STUM: variants seen among roughly 807,000 people sequenced by gnomAD.
STUM encodes stum, mechanosensory transduction mediator homolog.
STUM carries 8 observed loss-of-function variants against 15.3 expected under a neutral mutation model. That is an observed-to-expected ratio of 0.52 (90% CI 0.31 to 0.94). The LOEUF (loss-of-function observed/expected upper bound fraction) is 0.94. Among genes scored for constraint, STUM ranks in the 40% least tolerant of loss-of-function variants. The probability of loss-of-function intolerance (pLI) is 0.05; values close to 1 mark genes in which losing one functional copy is unlikely to be tolerated. For missense variants in STUM, 142 were observed against 204.9 expected (o/e 0.69, Z 1.87); for synonymous variants, 78 against 88.7 (o/e 0.88, Z 0.68).
At chr1:226,551,921 A>G (rs1667381686) in intron 1 of STUM, among the ~76,000 whole-genome samples, 1 of 152,152 alleles carries the variant, frequency 6.6e-6, no homozygotes, top group African/African-American at 2.4e-5. Context: ...ACGTGTCCTC[A>G]GCACTTGCCA....
chr1:226,606,611 G>A lies in STUM; in HGVS notation c.*4571G>A, dbSNP rs1668362602. 6.6e-6 allele frequency: 1 copy of A among 152,200 alleles called. No homozygotes were observed. Among genetic ancestry groups the A allele is most frequent in the African/African-American group, 2.4e-5 (1 of 41,448 alleles). The allele number at this position is 152,200 out of a possible 1,614,324, so 9.4% of individuals were successfully genotyped here. On this transcript the variant is annotated 3_prime_UTR_variant, in exon 4 of 4. Transcript: ENST00000366788. ...TTTGCTGGAGGGCTTTTATCAGAGA[G>A]ATTGGAGGTGGGAGAGCACTTTTAA...
At position 226,602,159 on chromosome 1, in the gene STUM, G is replaced by A. The variant is rs374374742; in HGVS notation, c.*119G>A. On this transcript the variant is annotated 3_prime_UTR_variant, in exon 4 of 4. Transcript: ENST00000366788. ...CATTTTCTGGACTGGGGGTGGAAAGGGGGTATTTTTAAAAATATTATTTAT... is the reference window on the plus strand; with the variant it reads ...CATTTTCTGGACTGGGGGTGGAAAGAGGGTATTTTTAAAAATATTATTTAT... 31 of 709,490 alleles carry A rather than the reference G, an allele frequency of 4.4e-5. No individual in the cohort carries two copies. Among genetic ancestry groups the A allele is most frequent in the East Asian group, 4.3e-4 (16 of 36,978 alleles). The allele number at this position is 709,490 out of a possible 1,614,324, so 43.9% of individuals were successfully genotyped here.
chr1:226,594,875 C>T (rs965424691), intron 1 of STUM, among the ~76,000 whole-genome samples: 2 of 152,184 alleles, frequency 1.3e-5, no homozygotes, highest in African/African-American at 4.8e-5. Flanking sequence ...AGGCTGGTCC[C>T]AAATTCCTAA....
At chr1:226,561,220 T>G (rs1667536235) in intron 1 of STUM, among the ~76,000 whole-genome samples, 1 of 152,218 alleles carries the variant, frequency 6.6e-6, no homozygotes, top group Non-Finnish European at 1.5e-5. Flanking sequence ...GTAGGGGCTG[T>G]GCTTTACTTA....
At chr1:226,562,087 C>G (rs1328234868) in intron 1 of STUM, among the ~76,000 whole-genome samples, 1 of 151,946 alleles carries the variant, frequency 6.6e-6, no homozygotes, top group Non-Finnish European at 1.5e-5. Flanking sequence ...TCTAAATGTT[C>G]TAAAATTGAT....
chr1:226,581,785 C>A (rs938986793), intron 1 of STUM, among the ~76,000 whole-genome samples: 2 of 152,146 alleles, frequency 1.3e-5, no homozygotes, highest in African/African-American at 4.8e-5. Flanking sequence ...GAAGGACCGC[C>A]ATCCTCTTAG....
At chr1:226,558,008 T>C (rs981116080) in intron 1 of STUM, among the ~76,000 whole-genome samples, 13 of 152,184 alleles carry the variant, frequency 8.5e-5, no homozygotes, top group Non-Finnish European at 2.9e-5. Context: ...AGGCCATATA[T>C]GAGAAGCCCA....
chr1:226,564,783 T>C (rs989744265), intron 1 of STUM, among the ~76,000 whole-genome samples: 3 of 152,230 alleles, frequency 2.0e-5, no homozygotes, highest in Non-Finnish European at 4.4e-5. Context: ...TTCTGCTGGC[T>C]GAGATCTGGA....
chr1:226,601,703 C>A (rs1180674158), intron 3 of STUM, among the ~76,000 whole-genome samples: 2 of 152,196 alleles, frequency 1.3e-5, no homozygotes, highest in African/African-American at 2.4e-5. Flanking sequence ...CACACCAGAC[C>A]AGTCTGTAAG....
rs1055118333 is a variant in STUM, at chr1:226,605,636, G to A, written c.*3596G>A. ...CCCCCACCCCAAGCTGGGAAAATAA[G>A]CTTCTCCCTCCCATATGTGGGGGCG... On this transcript the variant is annotated 3_prime_UTR_variant, in exon 4 of 4. Transcript: ENST00000366788. This position sits in a 1 kb window ranked among gnomAD's most constrained non-coding sequence, Gnocchi z 4.0. The A allele has an allele frequency of 6.6e-6, 1 of 152,172 alleles. No homozygotes were observed. The highest frequency in any genetic ancestry group is 6.5e-5 in the Admixed American group (1 of 15,284). 9.4% of individuals were successfully genotyped at this position (152,172 alleles called of 1,614,324 possible).
intron 3 of STUM, among the ~76,000 whole-genome samples, chr1:226,601,129 T>C (rs1668255810): frequency 6.8e-6 from 1 of 147,778 alleles, no homozygotes; most frequent in Non-Finnish European, 1.5e-5. Flanking sequence ...CGTTTTTTTT[T>C]TCTTCTTCTT....
intron 1 of STUM, among the ~76,000 whole-genome samples, chr1:226,572,043 A>G (rs867972141): frequency 2.6e-5 from 4 of 152,196 alleles, no homozygotes; most frequent in Non-Finnish European, 5.9e-5. Context: ...CTACACTGGC[A>G]TGGACAGGTG....
chr1:226,589,740 C>CATGCGCAGGGT (rs1558285945), intron 1 of STUM, among the ~76,000 whole-genome samples: 7 of 72,086 alleles, frequency 9.7e-5, no homozygotes, highest in Admixed American at 9.5e-4. Flanking sequence ...ATGCGCAGGG[C>CATGCGCAGGGT]CAGCCTCAGC....
intron 1 of STUM, among the ~76,000 whole-genome samples, chr1:226,580,410 G>A (rs941956035): frequency 6.6e-6 from 1 of 152,160 alleles, no homozygotes; most frequent in African/African-American, 2.4e-5. Flanking sequence ...TGCCCTGGGT[G>A]GAGGGGAGAG....
At chr1:226,551,365 G>A (rs555574982) in intron 1 of STUM, among the ~76,000 whole-genome samples, 1 of 152,220 alleles carries the variant, frequency 6.6e-6, no homozygotes. Context: ...GGGCAGCACT[G>A]CCCTCTGGAC....
Position 226,602,455 on chromosome 1 carries a change from C to A in STUM, c.*415C>A, listed in dbSNP as rs1275063203. 1 of 186,450 alleles carries A rather than the reference C, an allele frequency of 5.4e-6. No homozygotes were observed. Among genetic ancestry groups the A allele is most frequent in the Non-Finnish European group, 1.1e-5 (1 of 88,562 alleles). The allele number at this position is 186,450 out of a possible 1,614,324, so 11.5% of individuals were successfully genotyped here. A position where few individuals can be genotyped will look rare whatever the true frequency, so the allele number is the denominator to read the frequency against. ...CCAAGGGGACAGGACTGTGGTAGAC[C>A]CGTCCTGTGGGACCCCACCTGCCTC... On this transcript the variant is annotated 3_prime_UTR_variant, in exon 4 of 4. Coordinates refer to ENST00000366788, the MANE Select transcript of STUM (RefSeq NM_001003665.4).
Position 226,608,978 on chromosome 1 carries a change from AAGC to A in STUM, c.*6943_*6945del, listed in dbSNP as rs1234533496. ...CTGCCAGCTTTAAAACCCTTCACTC[AAGC>A]AGCATTACTGTACATGCAATGAAAA... On this transcript the variant is annotated 3_prime_UTR_variant, in exon 4 of 4. Coordinates refer to ENST00000366788, the MANE Select transcript of STUM (RefSeq NM_001003665.4). The surrounding 1 kb of genome is among the most constrained non-coding windows in gnomAD (Gnocchi z 4.0). 6.6e-6 allele frequency: 1 copy of A among 152,224 alleles called. No individual in the cohort carries two copies. Among genetic ancestry groups the A allele is most frequent in the Non-Finnish European group, 1.5e-5 (1 of 68,046 alleles). 9.4% of individuals were successfully genotyped at this position (152,224 alleles called of 1,614,324 possible).
chr1:226,568,746 C>T (rs2102693364), intron 1 of STUM, among the ~76,000 whole-genome samples: 1 of 152,348 alleles, frequency 6.6e-6, no homozygotes, highest in Middle Eastern at 3.4e-3. Flanking sequence ...AAAGGAGGCC[C>T]AAGGCATGAA....
intron 1 of STUM, among the ~76,000 whole-genome samples, chr1:226,579,559 C>CA (rs1667885261): frequency 6.6e-6 from 1 of 151,606 alleles, no homozygotes; most frequent in African/African-American, 2.4e-5. Flanking sequence ...GAGGCCTCCC[C>CA]AGGAAGCCTC....
Sources: gnomAD v4.1 joint callset for allele counts (sites outside exome capture counted in the v4.1 genomes callset) on GRCh38, gnomAD v4.1.1 for gene constraint, Gnocchi (gnomAD v3.1) non-coding constraint, MANE v1.5 for transcripts, NCBI Gene and HGNC (gene_info 2026-07-23, HGNC 2026-07-21) for gene names.